EML5: variants seen among roughly 807,000 people sequenced by gnomAD.
EML5 encodes EMAP like 5, also known as echinoderm microtubule-associated protein-like 5.
Under a neutral mutation model 250.0 loss-of-function variants are expected in EML5, and 120 were observed. That is an observed-to-expected ratio of 0.48 (90% confidence interval 0.41 to 0.56). EML5 has a LOEUF of 0.56. Among genes scored for constraint, EML5 ranks in the 20% least tolerant of loss-of-function variants. EML5 has a pLI of 0.00. For missense variants in EML5, 2,006 were observed against 2,437.6 expected, an observed-to-expected ratio of 0.82 and a Z score of 3.73; for synonymous variants, 771 against 806.5, an observed-to-expected ratio of 0.96 and a Z score of 0.75.
chr14:88,785,597 T>C (rs2094543515), intron 1 of EML5, among the ~76,000 whole-genome samples: 1 of 152,234 alleles, frequency 6.6e-6, no homozygotes, highest in Non-Finnish European at 1.5e-5. Context: ...ATTCTTCCAA[T>C]TGTTCTGACC....
At chr14:88,726,742 G>A in intron 7 of EML5, 64 bp from the exon 8 acceptor site, 1 of 1,242,330 alleles carries the variant, frequency 8.0e-7, no homozygotes, top group Non-Finnish European at 1.1e-6. Flanking sequence ...AAAATATTTT[G>A]GTTAAAATAA....
At chr14:88,759,364 T>C (rs897497285) in intron 1 of EML5, among the ~76,000 whole-genome samples, 1 of 151,986 alleles carries the variant, frequency 6.6e-6, no homozygotes, top group African/African-American at 2.4e-5. Context: ...CTACAAGTAA[T>C]ATGAGGGAAA....
chr14:88,748,372 C>T (rs2094039442), intron 2 of EML5, among the ~76,000 whole-genome samples: 1 of 152,120 alleles, frequency 6.6e-6, no homozygotes, highest in Admixed American at 6.5e-5. Flanking sequence ...TTTGAACTCG[C>T]TGGGCAGTCA....
chr14:88,772,997 A>G (rs905413259), intron 1 of EML5, among the ~76,000 whole-genome samples: 2 of 152,162 alleles, frequency 1.3e-5, no homozygotes, highest in Non-Finnish European at 2.9e-5. Flanking sequence ...TCATCCCAAC[A>G]TATTCTGTCC....
intron 6 of EML5, among the ~76,000 whole-genome samples, chr14:88,737,540 C>T (rs1282255324): frequency 2.6e-5 from 4 of 152,224 alleles, no homozygotes; most frequent in Non-Finnish European, 5.9e-5. Context: ...CCATGGAGGT[C>T]TCCAGCTGGC....
chr14:88,697,496 C>T (rs137899610), intron 14 of EML5, among the ~76,000 whole-genome samples: 1,898 of 152,266 alleles, frequency 0.012, 26 homozygotes, highest in Non-Finnish European at 0.021. Flanking sequence ...AAGTACCAAG[C>T]ATGTCTATAG....
At chr14:88,725,881 AGG>A (rs1417038568) in intron 8 of EML5, among the ~76,000 whole-genome samples, 1 of 152,174 alleles carries the variant, frequency 6.6e-6, no homozygotes, top group Non-Finnish European at 1.5e-5. Context: ...TTAACTACAC[AGG>A]GGAGGCAAAA....
At chr14:88,784,340 TC>T (rs1243210458) in intron 1 of EML5, among the ~76,000 whole-genome samples, 1 of 148,496 alleles carries the variant, frequency 6.7e-6, no homozygotes, top group Non-Finnish European at 1.5e-5. Context: ...ATACAAAATT[TC>T]AAGGAAACAA....
chr14:88,762,511 G>A (rs771886296), intron 1 of EML5, among the ~76,000 whole-genome samples: 9 of 151,488 alleles, frequency 5.9e-5, no homozygotes, highest in Non-Finnish European at 8.8e-5. Flanking sequence ...ACTCCATCTC[G>A]GGGGAAAAAA....
intron 28 of EML5, among the ~76,000 whole-genome samples, chr14:88,647,664 T>G (rs1160166658): frequency 8.9e-6 from 1 of 112,368 alleles, no homozygotes; most frequent in African/African-American, 3.8e-5. Flanking sequence ...GCACTCAGCC[T>G]AGGTAACAGA....
At chr14:88,776,889 A>G (rs139455325) in intron 1 of EML5, among the ~76,000 whole-genome samples, 83 of 152,258 alleles carry the variant, frequency 5.5e-4, no homozygotes, top group African/African-American at 2.0e-3. Context: ...TCAAAAATGA[A>G]AAAACAGAAA....
intron 2 of EML5, among the ~76,000 whole-genome samples, chr14:88,749,337 A>AAT (rs1363690179): frequency 6.6e-6 from 1 of 152,194 alleles, no homozygotes; most frequent in African/African-American, 2.4e-5. Context: ...ACTAAGCAAA[A>AAT]ATATCCTTTG....
In EML5 at chr14:88,738,929, A is replaced by G; in HGVS notation, c.797T>C (p.Phe266Ser). The G allele has an allele frequency of 6.3e-7, 1 of 1,597,600 alleles. No homozygotes were observed. The highest frequency in any genetic ancestry group is 8.5e-7 in the Non-Finnish European group (1 of 1,171,442). ...DGCIRLWDLT[F>S]KPITVIDLRE... ...GAGATCAATCACAGTAATTGGTTTA[A>G]AAGTTAAATCCCAAAGACGAATACA... The change falls in exon 6 of 44, where the codon TTT (phenylalanine) becomes TCT (serine). Residue 266 changes from phenylalanine (F) to serine (S), a missense_variant. By Grantham distance (155) the Phe-to-Ser change is radical. Coordinates refer to ENST00000554922, the MANE Select transcript of EML5 (RefSeq NM_183387.3).
intron 20 of EML5, among the ~76,000 whole-genome samples, 172 bp from the exon 21 acceptor site, chr14:88,682,203 C>T (rs2092727861): frequency 6.6e-6 from 1 of 151,860 alleles, no homozygotes; most frequent in Admixed American, 6.6e-5. Flanking sequence ...AATAAAATAC[C>T]TCTGTAACAA....
At position 88,614,095 on chromosome 14, in the gene EML5, A is replaced by T. The variant is rs761395673; in HGVS notation, c.*1723T>A. 1 of 152,208 alleles carries T rather than the reference A, an allele frequency of 6.6e-6. No homozygotes were observed. 9.4% of individuals were successfully genotyped at this position (152,208 alleles called of 1,614,324 possible). ...TCTACCTGCACTGTAATGGAAATAT[A>T]ATTTCTCTGTAGCCAAAAGCTGGCA... On this transcript the variant is annotated 3_prime_UTR_variant, in exon 44 of 44. Coordinates refer to ENST00000554922, the MANE Select transcript of EML5 (RefSeq NM_183387.3).
At chr14:88,654,900 G>A (rs979683617) in intron 27 of EML5, among the ~76,000 whole-genome samples, 1 of 152,106 alleles carries the variant, frequency 6.6e-6, no homozygotes, top group African/African-American at 2.4e-5. Context: ...CTATTTTTGT[G>A]TGGGAGTCTA....
intron 14 of EML5, among the ~76,000 whole-genome samples, chr14:88,698,759 T>C (rs2093139862): frequency 6.6e-6 from 1 of 152,200 alleles, no homozygotes; most frequent in Non-Finnish European, 1.5e-5. Flanking sequence ...TTACTTTTCC[T>C]CTGAATCCAA....
At chr14:88,623,607 T>G (rs1304313200) in intron 36 of EML5, 1 of 151,720 alleles carries the variant, frequency 6.6e-6, no homozygotes, top group Non-Finnish European at 1.5e-5. Context: ...AGAGATGGAG[T>G]TTCACCATAT....
At chr14:88,660,581 A>T (rs1316999682) in intron 25 of EML5, among the ~76,000 whole-genome samples, 3 of 151,764 alleles carry the variant, frequency 2.0e-5, no homozygotes, top group African/African-American at 7.3e-5. Flanking sequence ...TCTCTACTAA[A>T]AATACAAAAA....
Sources: allele counts gnomAD v4.1 joint callset (sites outside exome capture counted in the v4.1 genomes callset), GRCh38; gene constraint gnomAD v4.1.1; transcripts MANE v1.5; gene names NCBI Gene and HGNC (gene_info 2026-07-23, HGNC 2026-07-21).